Variants in HS3ST5 observed in about 807,000 individuals in gnomAD.
The protein encoded by HS3ST5 is heparan sulfate glucosamine 3-O-sulfotransferase 5.
HS3ST5 carries 10 observed loss-of-function variants against 25.4 expected under a neutral mutation model. The ratio of observed to expected loss-of-function variants is 0.39; its 90% CI spans 0.24 to 0.67. The LOEUF (loss-of-function observed/expected upper bound fraction) is 0.67. Among genes scored for constraint, HS3ST5 ranks in the 30% least tolerant of loss-of-function variants. The probability of loss-of-function intolerance (pLI) is 0.44; values close to 1 mark genes in which losing one functional copy is unlikely to be tolerated. For missense variants in HS3ST5, 324 were observed against 420.7 expected, an observed-to-expected ratio of 0.77 and a Z score of 2.01; for synonymous variants, 170 against 162.4, an observed-to-expected ratio of 1.05 and a Z score of -0.36.
chr6:114,258,560 G>A (rs1294682112), intron 1 of HS3ST5, among the ~76,000 whole-genome samples: 2 of 152,138 alleles, frequency 1.3e-5, no homozygotes, highest in Non-Finnish European at 2.9e-5. Flanking sequence ...GTGAGTGACA[G>A]TGTCTTGTCC....
At chr6:114,265,752 C>T (rs937983858) in intron 1 of HS3ST5, among the ~76,000 whole-genome samples, 1 of 152,174 alleles carries the variant, frequency 6.6e-6, no homozygotes, top group Admixed American at 6.5e-5. Flanking sequence ...ATTCCCTCTA[C>T]TCCTTGACTT....
chr6:114,183,710 T>C (rs1175764632), intron 2 of HS3ST5, among the ~76,000 whole-genome samples: 2 of 152,144 alleles, frequency 1.3e-5, no homozygotes, highest in Non-Finnish European at 2.9e-5. Context: ...GAAACTGAGA[T>C]GATCATAAAG....
chr6:114,316,287 T>C (rs1277021255), intron 1 of HS3ST5, among the ~76,000 whole-genome samples: 1 of 152,204 alleles, frequency 6.6e-6, no homozygotes, highest in Non-Finnish European at 1.5e-5. Flanking sequence ...CAAAATGTCA[T>C]CTGCTTTTGG....
intron 3 of HS3ST5, among the ~76,000 whole-genome samples, chr6:114,080,539 G>C (rs1423701957): frequency 1.3e-5 from 2 of 152,184 alleles, no homozygotes; most frequent in African/African-American, 4.8e-5. Flanking sequence ...CAACCTAGGT[G>C]CCCATCAGTG....
intron 2 of HS3ST5, among the ~76,000 whole-genome samples, chr6:114,208,914 G>A (rs941441904): frequency 6.6e-6 from 1 of 152,076 alleles, no homozygotes. Flanking sequence ...CCCAAATATA[G>A]TGCTTATAGG....
chr6:114,066,665 A>C (rs1047433151), intron 3 of HS3ST5, among the ~76,000 whole-genome samples: 3 of 152,082 alleles, frequency 2.0e-5, no homozygotes, highest in Non-Finnish European at 2.9e-5. Context: ...AAAACAACAA[A>C]AAAATTAGAA....
intron 2 of HS3ST5, among the ~76,000 whole-genome samples, chr6:114,209,457 A>G (rs1165356532): frequency 6.6e-6 from 1 of 151,052 alleles, no homozygotes; most frequent in Non-Finnish European, 1.5e-5. Context: ...TTCTTCCTAC[A>G]TTTTTGCTTC....
chr6:114,327,027 C>A (rs147931654), intron 1 of HS3ST5, among the ~76,000 whole-genome samples: 398 of 151,716 alleles, frequency 2.6e-3, no homozygotes, highest in Middle Eastern at 0.017. Context: ...AGTATCCACA[C>A]AACTGCTGTT....
chr6:114,062,690 A>G (rs1029614447), intron 4 of HS3ST5, 49 bp downstream of exon 4: 1 of 1,213,578 alleles, frequency 8.2e-7, no homozygotes, highest in African/African-American at 1.5e-5. Context: ...GGAAGTTTAA[A>G]TCAAGCCTTA....
intron 1 of HS3ST5, among the ~76,000 whole-genome samples, chr6:114,337,243 C>CT (rs758944035): frequency 3.9e-5 from 6 of 151,964 alleles, no homozygotes; most frequent in East Asian, 3.9e-4. Flanking sequence ...CACTTGAAGC[C>CT]TTTTTTTTAA....
At chr6:114,281,099 A>T (rs1562262678) in intron 1 of HS3ST5, among the ~76,000 whole-genome samples, 1 of 151,998 alleles carries the variant, frequency 6.6e-6, no homozygotes, top group Non-Finnish European at 1.5e-5. Flanking sequence ...GAATAAGAAG[A>T]TATATTCTAG....
At chr6:114,303,038 T>G (rs1775144139) in intron 1 of HS3ST5, among the ~76,000 whole-genome samples, 1 of 152,188 alleles carries the variant, frequency 6.6e-6, no homozygotes, top group Admixed American at 6.5e-5. Context: ...ATACTGCTTT[T>G]CTAAATACAT....
intron 2 of HS3ST5, among the ~76,000 whole-genome samples, chr6:114,171,213 C>A: frequency 6.6e-6 from 1 of 152,148 alleles, no homozygotes; most frequent in East Asian, 1.9e-4. Context: ...TTAGGAGAAA[C>A]CACTGCTTTT....
At chr6:114,257,662 CTT>C (rs1363076442) in intron 1 of HS3ST5, among the ~76,000 whole-genome samples, 1 of 152,112 alleles carries the variant, frequency 6.6e-6, no homozygotes, top group Admixed American at 6.6e-5. Context: ...CATTCAATAA[CTT>C]TTGTCCACAC....
chr6:114,214,112 C>T (rs540156402), intron 2 of HS3ST5, among the ~76,000 whole-genome samples: 1 of 152,292 alleles, frequency 6.6e-6, no homozygotes, highest in African/African-American at 2.4e-5. Flanking sequence ...TGAAGTAAAG[C>T]TTTCTTTCTC....
intron 1 of HS3ST5, among the ~76,000 whole-genome samples, chr6:114,329,109 A>G (rs1776288905): frequency 6.6e-6 from 1 of 152,242 alleles, no homozygotes; most frequent in Non-Finnish European, 1.5e-5. Context: ...TGAAGTCACT[A>G]TAATCTCTAC....
chr6:114,056,097 G>C lies in HS3ST5; in HGVS notation c.*1160C>G, dbSNP rs1665906942. 6.6e-6 allele frequency: 1 copy of C among 152,132 alleles called. No homozygotes were observed. Among genetic ancestry groups the C allele is most frequent in the African/African-American group, 2.4e-5 (1 of 41,412 alleles). 9.4% of individuals were successfully genotyped at this position (152,132 alleles called of 1,614,324 possible). ...TCTAATCTTATTTAATTTCTCTACT[G>C]GTCTGACTCTGATTAGAGGTTCAAA... On this transcript the variant is annotated 3_prime_UTR_variant, in exon 5 of 5. Transcript: ENST00000312719.
At chr6:114,312,696 A>C (rs559838800) in intron 1 of HS3ST5, among the ~76,000 whole-genome samples, 1 of 152,284 alleles carries the variant, frequency 6.6e-6, no homozygotes, top group East Asian at 1.9e-4. Flanking sequence ...ATGAAAATAA[A>C]CCCAGTTAAA....
chr6:114,280,875 G>A (rs1181042273), intron 1 of HS3ST5, among the ~76,000 whole-genome samples: 3 of 151,902 alleles, frequency 2.0e-5, no homozygotes, highest in Admixed American at 1.3e-4. Flanking sequence ...AATCATCATC[G>A]AACTAACATT....
Sources: allele counts gnomAD v4.1 joint callset (sites outside exome capture counted in the v4.1 genomes callset), GRCh38; gene constraint gnomAD v4.1.1; transcripts MANE v1.5; gene names NCBI Gene and HGNC (gene_info 2026-07-23, HGNC 2026-07-21).